Variants in PRDM16 observed in about 807,000 individuals in gnomAD.
The protein encoded by PRDM16 is PR/SET domain 16.
Under a neutral mutation model 110.6 loss-of-function variants are expected in PRDM16, and 23 were observed. The ratio of observed to expected loss-of-function variants is 0.21; its 90% CI spans 0.15 to 0.29. PRDM16 has a LOEUF of 0.29. Among genes scored for constraint, PRDM16 ranks in the 10% least tolerant of loss-of-function variants. PRDM16 has a pLI of 1.00. For missense variants in PRDM16, 1,615 were observed against 1,794.3 expected, an observed-to-expected ratio of 0.90 and a Z score of 1.81; for synonymous variants, 799 against 781.8, an observed-to-expected ratio of 1.02 and a Z score of -0.37.
At chr1:3,212,374 G>A (rs1436763016) in intron 2 of PRDM16, among the ~76,000 whole-genome samples, 3 of 152,126 alleles carry the variant, frequency 2.0e-5, no homozygotes, top group South Asian at 2.1e-4. Context: ...GCCTGAGTGG[G>A]CGGTGGGGGC....
intron 3 of PRDM16, among the ~76,000 whole-genome samples, chr1:3,278,670 CCTGT>C (rs1263873192): frequency 6.6e-6 from 1 of 152,212 alleles, no homozygotes; most frequent in East Asian, 1.9e-4. Flanking sequence ...CTCTCTGGAG[CCTGT>C]GGTCTGGTTC....
chr1:3,390,460 A>G lies in PRDM16; in HGVS notation c.573+5174A>G, dbSNP rs1489781551. Among the ~76,000 whole-genome samples the G allele has an allele frequency of 2.0e-5, 3 of 152,206 alleles. No homozygotes were observed. The highest frequency in any genetic ancestry group is 4.4e-5 in the Non-Finnish European group (3 of 68,028). ...CGCCCTGGGGCTGCCTGGGCATCAG[A>G]CAAACCCCAAAACCCCAGGGCCTTC... On this transcript the variant is annotated intron_variant, in intron 4 of 16. Transcript: ENST00000270722. This position sits in a 1 kb window ranked among gnomAD's most constrained non-coding sequence, Gnocchi z 5.0.
intron 3 of PRDM16, among the ~76,000 whole-genome samples, chr1:3,301,787 A>G (rs1416248718): frequency 1.3e-5 from 2 of 152,200 alleles, no homozygotes; most frequent in African/African-American, 4.8e-5. Context: ...AGGGGCACAC[A>G]CCACACCTGA....
intron 3 of PRDM16, among the ~76,000 whole-genome samples, chr1:3,368,671 C>CA (rs1642858419): frequency 6.6e-6 from 1 of 152,222 alleles, no homozygotes; most frequent in Non-Finnish European, 1.5e-5. Flanking sequence ...CCGTGTTGTG[C>CA]TGCTTTAAAT....
At chr1:3,103,948 C>T (rs1187169474) in intron 1 of PRDM16, among the ~76,000 whole-genome samples, 1 of 152,216 alleles carries the variant, frequency 6.6e-6, no homozygotes, top group African/African-American at 2.4e-5. Context: ...CGGGACTACC[C>T]TGGGAGTTAA....
intron 2 of PRDM16, among the ~76,000 whole-genome samples, chr1:3,241,806 C>A (rs1639680961): frequency 6.6e-6 from 1 of 152,144 alleles, no homozygotes; most frequent in Admixed American, 6.5e-5. Flanking sequence ...ACAGCAGGAA[C>A]GGTGGGCGCC....
At chr1:3,134,586 C>A (rs958866695) in intron 1 of PRDM16, among the ~76,000 whole-genome samples, 1 of 152,174 alleles carries the variant, frequency 6.6e-6, no homozygotes, top group Non-Finnish European at 1.5e-5. Context: ...CCGCCTCCCC[C>A]TGGAAGGGGA....
chr1:3,212,649 G>T (rs372264946), intron 2 of PRDM16, among the ~76,000 whole-genome samples: 1 of 142,828 alleles, frequency 7.0e-6, no homozygotes, highest in African/African-American at 2.7e-5. Context: ...CGGCCCCCTC[G>T]CTGCGGTCCT....
chr1:3,424,037 C>T (rs1235201807), intron 12 of PRDM16, among the ~76,000 whole-genome samples: 1 of 152,152 alleles, frequency 6.6e-6, no homozygotes, highest in East Asian at 1.9e-4. Context: ...CAACTGAAAA[C>T]CATGCAGTCA....
chr1:3,179,751 C>T (rs1171259984), intron 1 of PRDM16, among the ~76,000 whole-genome samples: 1 of 152,250 alleles, frequency 6.6e-6, no homozygotes, highest in Non-Finnish European at 1.5e-5. Flanking sequence ...TCACCAGGCA[C>T]TAGCCTCCTT....
chr1:3,410,027 ATGTGTGTGAT>A (rs1277090262), intron 8 of PRDM16, among the ~76,000 whole-genome samples: 1 of 125,522 alleles, frequency 8.0e-6, no homozygotes, highest in Admixed American at 8.5e-5. Context: ...CTGTGTGTGC[ATGTGTGTGAT>A]TGTGTGTGTA....
In PRDM16 at chr1:3,435,166, A is replaced by G. The variant is rs1347093473; in HGVS notation, c.*1355A>G. On this transcript the variant is annotated 3_prime_UTR_variant, in exon 17 of 17. Coordinates refer to ENST00000270722, the MANE Select transcript of PRDM16 (RefSeq NM_022114.4). ...CGGATGGGCTTTAAATTATTCCCAT[A>G]GGGGCCAATTTCAAATAATAATTTT... The G allele has an allele frequency of 8.9e-6, 2 of 224,434 alleles. No individual in the cohort carries two copies. Among genetic ancestry groups the G allele is most frequent in the East Asian group, 1.3e-4 (2 of 15,472 alleles). 13.9% of individuals were successfully genotyped at this position (224,434 alleles called of 1,614,324 possible).
intron 2 of PRDM16, among the ~76,000 whole-genome samples, chr1:3,216,580 C>T (rs543140132): frequency 6.6e-6 from 1 of 152,356 alleles, no homozygotes; most frequent in African/African-American, 2.4e-5. Flanking sequence ...CACAGCTGGG[C>T]ACACTCAATG....
At chr1:3,179,503 G>A (rs1644126355) in intron 1 of PRDM16, among the ~76,000 whole-genome samples, 1 of 152,230 alleles carries the variant, frequency 6.6e-6, no homozygotes, top group African/African-American at 2.4e-5. Context: ...GCTGGATGCG[G>A]GCACCTGAGA....
rs1387612403 is a variant in PRDM16, at chr1:3,069,836, C to CGGGGAGGGGCG, written c.37+542_37+552dup. On this transcript the variant is annotated intron_variant, in intron 1 of 16. Transcript: ENST00000270722. This position sits in a 1 kb window ranked among gnomAD's most constrained non-coding sequence, Gnocchi z 6.1. ...GGCGCAGAGGAGGGAGACCCCGAGC[C>CGGGGAGGGGCG]GGGGAGGGGCGGAGGAGGGGGCGCG... Among the ~76,000 whole-genome samples the CGGGGAGGGGCG allele has an allele frequency of 6.6e-6, 1 of 151,648 alleles. No individual in the cohort carries two copies. The highest frequency in any genetic ancestry group is 1.5e-5 in the Non-Finnish European group (1 of 67,876).
At chr1:3,224,691 G>C (rs545407389) in intron 2 of PRDM16, among the ~76,000 whole-genome samples, 1 of 152,264 alleles carries the variant, frequency 6.6e-6, no homozygotes, top group Non-Finnish European at 1.5e-5. Context: ...ATGATGAGGT[G>C]GAGGAATGAG....
At chr1:3,326,807 G>T (rs984503833) in intron 3 of PRDM16, among the ~76,000 whole-genome samples, 2 of 152,236 alleles carry the variant, frequency 1.3e-5, no homozygotes, top group Admixed American at 6.5e-5. Flanking sequence ...CTGACAGCAG[G>T]GGGAGGCCGC....
chr1:3,119,288 G>A (rs921336410), intron 1 of PRDM16, among the ~76,000 whole-genome samples: 20 of 152,372 alleles, frequency 1.3e-4, no homozygotes, highest in Admixed American at 7.8e-4. Flanking sequence ...CCGGTGCCGT[G>A]GACATTCTTT....
chr1:3,305,191 C>T (rs971358310), intron 3 of PRDM16, among the ~76,000 whole-genome samples: 8 of 152,214 alleles, frequency 5.3e-5, no homozygotes, highest in Non-Finnish European at 1.0e-4. Flanking sequence ...TGTTCAAGAA[C>T]ATTTCCATGA....
Sources: gnomAD v4.1 joint callset for allele counts (sites outside exome capture counted in the v4.1 genomes callset) on GRCh38, gnomAD v4.1.1 for gene constraint, Gnocchi (gnomAD v3.1) non-coding constraint, MANE v1.5 for transcripts, NCBI Gene and HGNC (gene_info 2026-07-23, HGNC 2026-07-21) for gene names.